MND1: variants seen among roughly 807,000 people sequenced by gnomAD.
The protein encoded by MND1 is meiotic nuclear division protein 1 homolog.
MND1 carries 28 observed loss-of-function variants against 35.1 expected under a neutral mutation model. The observed-to-expected ratio is 0.80, with a 90% confidence interval of 0.59 to 1.09. The LOEUF (loss-of-function observed/expected upper bound fraction) is 1.09. MND1 is among the 50% of genes least tolerant of loss of function. The pLI is 0.00. For synonymous variants in MND1, 69 were observed against 70.5 expected (o/e 0.98, Z 0.11); for missense variants, 213 against 239.6 (o/e 0.89, Z 0.73).
At chr4:153,360,824 C>A (rs1013933038) in intron 4 of MND1, among the ~76,000 whole-genome samples, 1 of 151,288 alleles carries the variant, frequency 6.6e-6, no homozygotes, top group African/African-American at 2.4e-5. Flanking sequence ...CATATATACA[C>A]ATATATATAC....
chr4:153,406,515 C>T (rs985732413), intron 6 of MND1, among the ~76,000 whole-genome samples: 1 of 151,524 alleles, frequency 6.6e-6, no homozygotes, highest in Non-Finnish European at 1.5e-5. Flanking sequence ...GAGACTCCAT[C>T]ACAAAAAGAA....
At chr4:153,394,140 C>A in intron 4 of MND1, 122 bp from the exon 5 acceptor site, 1 of 696,990 alleles carries the variant, frequency 1.4e-6, no homozygotes, top group Non-Finnish European at 2.4e-6. Flanking sequence ...TTGTGATCTG[C>A]CTGCCTCGGC....
chr4:153,348,599 C>T (rs1773131756), intron 1 of MND1, among the ~76,000 whole-genome samples: 1 of 152,122 alleles, frequency 6.6e-6, no homozygotes, highest in Non-Finnish European at 1.5e-5. Flanking sequence ...ACCCATATTA[C>T]TCATCAAGAA....
chr4:153,405,808 A>C (rs183419333), intron 6 of MND1, among the ~76,000 whole-genome samples: 1 of 152,000 alleles, frequency 6.6e-6, no homozygotes, highest in Non-Finnish European at 1.5e-5. Context: ...AAACAGATTT[A>C]TATTTCTTTT....
At chr4:153,378,924 T>C (rs1728584386) in intron 4 of MND1, among the ~76,000 whole-genome samples, 1 of 152,180 alleles carries the variant, frequency 6.6e-6, no homozygotes, top group Admixed American at 6.5e-5. Flanking sequence ...TAAACATCTG[T>C]TCTCTCCACT....
In MND1 at chr4:153,408,959, AT is replaced by A. The variant is rs763154087; in HGVS notation, c.467-4del. 140 of 983,532 alleles carry A rather than the reference AT, an allele frequency of 1.4e-4. No homozygotes were observed. Among genetic ancestry groups the A allele is most frequent in the South Asian group, 5.1e-4 (16 of 31,184 alleles). 60.9% of individuals were successfully genotyped at this position (983,532 alleles called of 1,614,324 possible). A position where few individuals can be genotyped will look rare whatever the true frequency, so the allele number is the denominator to read the frequency against. ...AAATACATTTCATTTTATATATATA[AT>A]TTTTTTTCAGGCCAAGCAAATAAAG... On this transcript the variant is annotated splice_polypyrimidine_tract_variant and intron_variant, in intron 6 of 7. Transcript: ENST00000240488.
chr4:153,346,257 G>T (rs565273219), intron 1 of MND1, among the ~76,000 whole-genome samples: 1 of 152,192 alleles, frequency 6.6e-6, no homozygotes, highest in African/African-American at 2.4e-5. Context: ...CAGCAGTGAT[G>T]TCTACTTAAT....
intron 5 of MND1, among the ~76,000 whole-genome samples, chr4:153,395,260 T>A (rs541245844): frequency 4.8e-4 from 73 of 152,302 alleles, no homozygotes; most frequent in African/African-American, 1.5e-3. Flanking sequence ...AACTACTACT[T>A]CTTTATTTGT....
intron 4 of MND1, chr4:153,361,658 TG>T: frequency 4.9e-6 from 2 of 409,012 alleles, no homozygotes; most frequent in South Asian, 3.5e-5. Flanking sequence ...GCTAACACGG[TG>T]AAACCCTGTC....
At chr4:153,405,914 C>T (rs140749161) in intron 6 of MND1, among the ~76,000 whole-genome samples, 19 of 152,236 alleles carry the variant, frequency 1.2e-4, no homozygotes, top group Middle Eastern at 3.4e-3. Flanking sequence ...AGGCCATTCT[C>T]CTGCCTCAAC....
intron 4 of MND1, among the ~76,000 whole-genome samples, chr4:153,381,424 C>G (rs1190189444): frequency 6.6e-6 from 1 of 150,910 alleles, no homozygotes; most frequent in African/African-American, 2.4e-5. Context: ...AAAATATACT[C>G]CCCCCAAATC....
At chr4:153,350,300 A>G (rs2149628395) in intron 2 of MND1, among the ~76,000 whole-genome samples, 171 bp downstream of exon 2, 1 of 152,170 alleles carries the variant, frequency 6.6e-6, no homozygotes, top group Middle Eastern at 3.4e-3. Flanking sequence ...AGTGTGAAAA[A>G]CCATATCCCA....
intron 6 of MND1, 59 bp from the exon 7 acceptor site, chr4:153,408,912 G>GTGTGTATATATATA: frequency 3.2e-6 from 1 of 317,422 alleles, no homozygotes; most frequent in Non-Finnish European, 4.9e-6. Flanking sequence ...CATTTTGTGT[G>GTGTGTATATATATA]TATATATATA....
intron 4 of MND1, among the ~76,000 whole-genome samples, chr4:153,391,777 GA>G (rs1442856801): frequency 7.7e-6 from 1 of 129,094 alleles, no homozygotes; most frequent in African/African-American, 3.1e-5. Context: ...TCACACAGCA[GA>G]TTTTTTTTTT....
intron 7 of MND1, among the ~76,000 whole-genome samples, chr4:153,410,511 C>T (rs1729652206): frequency 6.6e-6 from 1 of 152,032 alleles, no homozygotes; most frequent in Non-Finnish European, 1.5e-5. Context: ...AAAAAGAAAA[C>T]AGTAATAAGA....
chr4:153,359,191 T>G (rs746443703), intron 4 of MND1, among the ~76,000 whole-genome samples: 1 of 152,128 alleles, frequency 6.6e-6, no homozygotes, highest in Non-Finnish European at 1.5e-5. Context: ...TGTTTCCTAC[T>G]TGTTCATCCC....
intron 7 of MND1, among the ~76,000 whole-genome samples, chr4:153,413,284 T>G (rs1227750590): frequency 6.6e-6 from 1 of 152,216 alleles, no homozygotes; most frequent in Non-Finnish European, 1.5e-5. Flanking sequence ...TTTTACAGAA[T>G]ACTCCGACAA....
At chr4:153,405,696 T>G (rs1285108298) in intron 6 of MND1, among the ~76,000 whole-genome samples, 2 of 152,210 alleles carry the variant, frequency 1.3e-5, no homozygotes, top group Non-Finnish European at 2.9e-5. Context: ...GATATCCACA[T>G]GCAAATGAAT....
chr4:153,370,816 G>T (rs926122648), intron 4 of MND1, among the ~76,000 whole-genome samples: 4 of 152,026 alleles, frequency 2.6e-5, no homozygotes, highest in African/African-American at 9.7e-5. Flanking sequence ...ACCATGCCTG[G>T]CCACAGATAT....
Sources: allele counts gnomAD v4.1 joint callset (sites outside exome capture counted in the v4.1 genomes callset), GRCh38; gene constraint gnomAD v4.1.1; transcripts MANE v1.5; gene names NCBI Gene and HGNC (gene_info 2026-07-23, HGNC 2026-07-21).